HEG1: variants seen among roughly 807,000 people sequenced by gnomAD.
HEG1 encodes the protein heart development protein with EGF like domains 1.
A neutral mutation model predicts 125.6 loss-of-function variants in HEG1; 56 were observed. That is an observed-to-expected ratio of 0.45 (90% confidence interval 0.36 to 0.56). HEG1 has a LOEUF of 0.56. Ranked by LOEUF, HEG1 falls within the 20% of genes least tolerant of loss-of-function variation. The probability of loss-of-function intolerance (pLI) is 0.00; values close to 1 mark genes in which losing one functional copy is unlikely to be tolerated. For synonymous variants in HEG1, 644 were observed against 668.5 expected, an observed-to-expected ratio of 0.96 and a Z score of 0.57; for missense variants, 1,523 against 1,670.0, an observed-to-expected ratio of 0.91 and a Z score of 1.53.
rs375024895 is a variant in HEG1, at chr3:125,013,130, G to A, written c.2449C>T (p.Pro817Ser). The change falls in exon 6 of 17, where the codon CCA (proline) becomes TCA (serine). Residue 817 changes from proline (P) to serine (S), a missense_variant. Coordinates refer to ENST00000311127, the MANE Select transcript of HEG1 (RefSeq NM_020733.2). ...TCTGTGGAGGACTCTGTTAAGGATG[G>A]AGGCAAAGGAGAGTTTGTTGTTACA... Reference protein sequence around the residue: ...KAVTTNSPLPPSLTESSTEQT... With the variant: ...KAVTTNSPLPSSLTESSTEQT... 5 of 1,613,916 alleles carry A rather than the reference G, an allele frequency of 3.1e-6. No individual in the cohort carries two copies. Among genetic ancestry groups the A allele is most frequent in the Non-Finnish European group, 4.2e-6 (5 of 1,179,906 alleles).
intron 1 of HEG1, among the ~76,000 whole-genome samples, chr3:125,043,964 G>A (rs375785906): frequency 4.6e-5 from 7 of 152,212 alleles, no homozygotes; most frequent in African/African-American, 9.6e-5. Flanking sequence ...CCCGGGCCCC[G>A]GTGTCCACAC....
intron 7 of HEG1, 61 bp downstream of exon 7, chr3:125,010,375 AGTT>A (rs1370408720): frequency 1.5e-4 from 141 of 934,670 alleles, no homozygotes; most frequent in Non-Finnish European, 2.1e-4. Flanking sequence ...AGGAAAAAGG[AGTT>A]TATTGGGTAG....
At chr3:125,021,519 C>A (rs1281432801) in intron 3 of HEG1, among the ~76,000 whole-genome samples, 3 of 152,150 alleles carry the variant, frequency 2.0e-5, no homozygotes, top group Admixed American at 6.5e-5. Context: ...AGCAATGTAA[C>A]CTTTTTGTTC....
Position 124,970,427 on chromosome 3 carries a change from C to A in HEG1, c.*225G>T. ...TCAGAGAGACTCTCTTGATACTGGC[C>A]CACATTCACGTTCACAGTAACAACA... On this transcript the variant is annotated 3_prime_UTR_variant, in exon 17 of 17. Coordinates refer to ENST00000311127, the MANE Select transcript of HEG1 (RefSeq NM_020733.2). 1.9e-6 allele frequency: 1 copy of A among 527,870 alleles called. No homozygotes were observed. Among genetic ancestry groups the A allele is most frequent in the Non-Finnish European group, 3.4e-6 (1 of 294,690 alleles). The allele number at this position is 527,870 out of a possible 1,614,324, so 32.7% of individuals were successfully genotyped here.
rs1234413506 is a variant in HEG1 at position 124,970,521 on chromosome 3, G to A, written c.*131C>T. On this transcript the variant is annotated 3_prime_UTR_variant, in exon 17 of 17. Coordinates refer to ENST00000311127, the MANE Select transcript of HEG1 (RefSeq NM_020733.2). ...CCTCCACTGTGGTCACGCCCCGCAT[G>A]CCTGTCCCTCTTCCTGCTTGCCACT... is the stretch of plus-strand genomic sequence containing the variant. 5 of 736,072 alleles carry A rather than the reference G, an allele frequency of 6.8e-6. No homozygotes were observed. The Admixed American group carries it at 8.0e-5, about 12-fold the overall frequency. 45.6% of individuals were successfully genotyped at this position (736,072 alleles called of 1,614,324 possible).
intron 5 of HEG1, chr3:125,015,094 T>A: frequency 2.0e-6 from 2 of 990,734 alleles, no homozygotes; most frequent in South Asian, 1.7e-5. Flanking sequence ...CTTCCTGGGC[T>A]GTGGGAGCCA....
chr3:125,042,677 A>T (rs1439520806), intron 1 of HEG1, among the ~76,000 whole-genome samples: 1 of 152,180 alleles, frequency 6.6e-6, no homozygotes, highest in African/African-American at 2.4e-5. Flanking sequence ...CCTCCCTTCC[A>T]CGGCTGCCAG....
chr3:124,983,120 A>G (rs573454840), intron 14 of HEG1, among the ~76,000 whole-genome samples: 2 of 152,262 alleles, frequency 1.3e-5, no homozygotes, highest in African/African-American at 4.8e-5. Context: ...TCCACTCCTG[A>G]TGCCAGGATT....
At chr3:124,984,398 G>A (rs1411594710) in intron 14 of HEG1, among the ~76,000 whole-genome samples, 1 of 152,034 alleles carries the variant, frequency 6.6e-6, no homozygotes, top group Non-Finnish European at 1.5e-5. Flanking sequence ...AAATGTCTGT[G>A]GCCAGAAAAA....
Position 125,055,505 on chromosome 3 carries a change from A to T in HEG1, c.316+70T>A, listed in dbSNP as rs943809753. The T allele has an allele frequency of 4.1e-5, 43 of 1,037,510 alleles. No homozygotes were observed. The African/African-American group carries it at 7.1e-4, about 17-fold the overall frequency. The allele number at this position is 1,037,510 out of a possible 1,614,324, so 64.3% of individuals were successfully genotyped here. A position where few individuals can be genotyped will look rare whatever the true frequency, so the allele number is the denominator to read the frequency against. On this transcript the variant is annotated intron_variant, in intron 1 of 16. Transcript: ENST00000311127. ...CGCGCGGAGGGGCCTACGGCTGGGG[A>T]TGCAGCCCGGGGCGCGCCCACGCCC... is the stretch of plus-strand genomic sequence containing the variant.
chr3:124,967,241 T>C lies in HEG1; in HGVS notation c.*3411A>G, dbSNP rs1043770890. 6.6e-6 allele frequency: 1 copy of C among 152,198 alleles called. No homozygotes were observed. Among genetic ancestry groups the C allele is most frequent in the African/African-American group, 2.4e-5 (1 of 41,450 alleles). The allele number at this position is 152,198 out of a possible 1,614,324, so 9.4% of individuals were successfully genotyped here. ...TTCCAGTATGTGGGAGCCATGGCCT[T>C]ACCACGGGAACAAGGCAAGCAGCTC... On this transcript the variant is annotated 3_prime_UTR_variant, in exon 17 of 17. Coordinates refer to ENST00000311127, the MANE Select transcript of HEG1 (RefSeq NM_020733.2).
Position 125,027,221 on chromosome 3 carries a change from G to C in HEG1, c.897C>G (p.Leu299=), listed in dbSNP as rs1937427270. 1 of 1,606,948 alleles carries C rather than the reference G, an allele frequency of 6.2e-7. No individual in the cohort carries two copies. The highest frequency in any genetic ancestry group is 1.7e-5 in the Admixed American group (1 of 59,308). The change falls in exon 3 of 17, where the codon CTC becomes CTG. Residue 299 remains leucine (L), a synonymous_variant. Transcript: ENST00000311127. ...GGCACTCACATGAGGAAAGGTCTAA[G>C]AGAGGAGAGGAAGCTGCTGTCCTGT... ...HFYRTAASSP[L]LDLSSSSEST...
chr3:125,012,699 G>C lies in HEG1; in HGVS notation c.2880C>G (p.Asp960Glu). ...CAAAGGTGGCAGATTTGGGAGCCAA[G>C]TCTTCAGCCGTGGAAACAACTGTGG... is the stretch of plus-strand genomic sequence containing the variant. ...PQTTVVSTAE[D>E]LAPKSATFAV... The change falls in exon 6 of 17, where the codon GAC becomes GAG. Residue 960 changes from aspartate (D) to glutamate (E), a missense_variant. Asp to Glu is a conservative substitution (Grantham distance 45). Coordinates refer to ENST00000311127, the MANE Select transcript of HEG1 (RefSeq NM_020733.2). 3 of 1,613,984 alleles carry C rather than the reference G, an allele frequency of 1.9e-6. No homozygotes were observed. The highest frequency in any genetic ancestry group is 2.5e-6 in the Non-Finnish European group (3 of 1,179,886).
At chr3:124,981,852 G>GCACA (rs201017901) in intron 14 of HEG1, among the ~76,000 whole-genome samples, 3 of 150,792 alleles carry the variant, frequency 2.0e-5, no homozygotes, top group Admixed American at 6.6e-5. Context: ...ATTTACATAT[G>GCACA]CACACACACA....
At chr3:125,043,981 C>T (rs926172892) in intron 1 of HEG1, among the ~76,000 whole-genome samples, 2 of 152,206 alleles carry the variant, frequency 1.3e-5, no homozygotes, top group African/African-American at 4.8e-5. Context: ...ACACAGCTGG[C>T]GGCTGACTTT....
At chr3:124,976,135 T>C (rs746363188) in intron 15 of HEG1, among the ~76,000 whole-genome samples, 2 of 152,202 alleles carry the variant, frequency 1.3e-5, no homozygotes, top group Non-Finnish European at 2.9e-5. Flanking sequence ...TATGGGGGAT[T>C]CTGATTTTTC....
intron 5 of HEG1, chr3:125,015,107 A>T: frequency 1.2e-6 from 1 of 818,664 alleles, no homozygotes; most frequent in South Asian, 1.9e-5. Context: ...GGGAGCCAAG[A>T]CGCTCCCCTG....
At position 125,012,707 on chromosome 3, in the gene HEG1, C is replaced by G; in HGVS notation, c.2872G>C (p.Ala958Pro). 6.2e-7 allele frequency: 1 copy of G among 1,613,900 alleles called. No individual in the cohort carries two copies. The change falls in exon 6 of 17, where the codon GCT becomes CCT. Residue 958 changes from alanine to proline, a missense_variant. By Grantham distance (27) the Ala-to-Pro change is conservative. Coordinates refer to ENST00000311127, the MANE Select transcript of HEG1 (RefSeq NM_020733.2). ...PSPQTTVVST[A>P]EDLAPKSATF... ...GCAGATTTGGGAGCCAAGTCTTCAG[C>G]CGTGGAAACAACTGTGGTTTGGGGA...
At chr3:124,971,950 G>C (rs962559218) in intron 16 of HEG1, 2 of 151,896 alleles carry the variant, frequency 1.3e-5, no homozygotes, top group African/African-American at 4.8e-5. Context: ...CACCATGCCT[G>C]GCTAATTAAA....
Sources: allele counts gnomAD v4.1 joint callset (sites outside exome capture counted in the v4.1 genomes callset), GRCh38; gene constraint gnomAD v4.1.1; transcripts MANE v1.5; gene names NCBI Gene and HGNC (gene_info 2026-07-23, HGNC 2026-07-21).